Variants in SGPP2 observed in about 807,000 individuals in gnomAD.
SGPP2 encodes the protein sphingosine-1-phosphate phosphatase 2, also known as sphingosine 1-phosphate phosphohydrolase 2.
In SGPP2, 30 loss-of-function variants were observed where a neutral mutation model predicts 33.9. The ratio of observed to expected loss-of-function variants is 0.89; its 90% CI spans 0.66 to 1.20. SGPP2 has a LOEUF of 1.20. Ranked by LOEUF, SGPP2 falls within the 50% of genes most tolerant of loss-of-function variation. The probability of loss-of-function intolerance (pLI) is 0.00; values close to 1 mark genes in which losing one functional copy is unlikely to be tolerated. For synonymous variants in SGPP2, 233 were observed against 225.0 expected (o/e 1.04, Z -0.32); for missense variants, 458 against 532.1 (o/e 0.86, Z 1.37).
chr2:222,467,863 C>T (rs1351066906), intron 1 of SGPP2, among the ~76,000 whole-genome samples: 1 of 145,134 alleles, frequency 6.9e-6, no homozygotes, highest in African/African-American at 2.5e-5. Flanking sequence ...ACCATCCCCC[C>T]GAGATGTGAA....
intron 2 of SGPP2, among the ~76,000 whole-genome samples, chr2:222,497,029 A>G (rs182640210): frequency 3.0e-4 from 45 of 152,362 alleles, no homozygotes; most frequent in African/African-American, 1.1e-3. Flanking sequence ...GTACTACAGT[A>G]GCATCCTAGA....
chr2:222,431,459 T>G (rs189628640), intron 1 of SGPP2, among the ~76,000 whole-genome samples: 1 of 152,052 alleles, frequency 6.6e-6, no homozygotes, highest in Non-Finnish European at 1.5e-5. Context: ...TGAGCCAAGA[T>G]CATGCCACTG....
chr2:222,459,142 CTTTTTTTT>C (rs1164145783), intron 1 of SGPP2, among the ~76,000 whole-genome samples: 1 of 94,462 alleles, frequency 1.1e-5, no homozygotes, highest in African/African-American at 3.8e-5. Flanking sequence ...TTCTTTCTTT[CTTTTTTTT>C]TTTTTTTTTT....
intron 2 of SGPP2, among the ~76,000 whole-genome samples, chr2:222,491,315 T>C (rs1698193779): frequency 6.6e-6 from 1 of 152,128 alleles, no homozygotes; most frequent in South Asian, 2.1e-4. Flanking sequence ...TTTAATTTTT[T>C]TGTAGAGACA....
intron 4 of SGPP2, among the ~76,000 whole-genome samples, chr2:222,527,817 C>G (rs1163171475): frequency 2.6e-5 from 4 of 152,172 alleles, no homozygotes; most frequent in Admixed American, 2.6e-4. Context: ...TAGAAGGGAA[C>G]AGTTGGTTTT....
intron 2 of SGPP2, among the ~76,000 whole-genome samples, chr2:222,481,665 G>A (rs1407701010): frequency 6.6e-6 from 1 of 152,062 alleles, no homozygotes; most frequent in Non-Finnish European, 1.5e-5. Flanking sequence ...TCCTTTACAG[G>A]CCATTTAATG....
chr2:222,521,348 C>T (rs1187826143), intron 2 of SGPP2, among the ~76,000 whole-genome samples: 1 of 152,164 alleles, frequency 6.6e-6, no homozygotes, highest in African/African-American at 2.4e-5. Context: ...TTTCTAGATT[C>T]GAATCCCAGT....
At chr2:222,467,811 C>A (rs558931760) in intron 1 of SGPP2, among the ~76,000 whole-genome samples, 1 of 151,796 alleles carries the variant, frequency 6.6e-6, no homozygotes, top group African/African-American at 2.4e-5. Context: ...CAAGCTCTTT[C>A]TGCTGTTTCC....
intron 1 of SGPP2, among the ~76,000 whole-genome samples, chr2:222,448,756 C>T (rs1227035790): frequency 6.6e-6 from 1 of 152,098 alleles, no homozygotes; most frequent in Non-Finnish European, 1.5e-5. Context: ...CACTGTGTTC[C>T]CCTGATGGCA....
rs779460591 is a variant in SGPP2, at chr2:222,524,987, CCTTGGTGT to C, written c.603_610del (p.Leu202SerfsTer64). ...CTGGTGATGGCCGTGGTGTTTTCCA[CCTTGGTGT>C]GTCTCAGCAGGCTCTACACTGGGAT... is the stretch of plus-strand genomic sequence containing the variant. On this transcript the variant is annotated frameshift_variant, in exon 4 of 5. Coordinates refer to ENST00000321276, the MANE Select transcript of SGPP2 (RefSeq NM_152386.4). LOFTEE classifies it high-confidence loss of function. 1 of 1,613,856 alleles carries C rather than the reference CCTTGGTGT, an allele frequency of 6.2e-7. No homozygotes were observed. Among genetic ancestry groups the C allele is most frequent in the Non-Finnish European group, 8.5e-7 (1 of 1,179,908 alleles).
intron 4 of SGPP2, 74 bp downstream of exon 4, chr2:222,525,107 T>A: frequency 1.0e-6 from 1 of 1,004,414 alleles, no homozygotes; most frequent in Non-Finnish European, 1.5e-6. Flanking sequence ...ATGTTTCTCA[T>A]ACTACTTATT....
intron 3 of SGPP2, among the ~76,000 whole-genome samples, chr2:222,523,158 C>T (rs1229032816): frequency 2.6e-5 from 4 of 152,236 alleles, no homozygotes; most frequent in African/African-American, 9.6e-5. Context: ...GGGGTCCCAC[C>T]TCTACCACTG....
chr2:222,547,241 G>A (rs1378076377), intron 4 of SGPP2, among the ~76,000 whole-genome samples: 2 of 152,186 alleles, frequency 1.3e-5, no homozygotes, highest in African/African-American at 2.4e-5. Context: ...GTTTGACAGT[G>A]TCTTTGTGTC....
intron 1 of SGPP2, among the ~76,000 whole-genome samples, chr2:222,461,442 TG>T (rs1257725448): frequency 1.3e-5 from 2 of 151,896 alleles, no homozygotes; most frequent in Admixed American, 6.6e-5. Flanking sequence ...ACTGGGCAGG[TG>T]GGGGGATGGT....
chr2:222,558,700 G>A lies in SGPP2; in HGVS notation c.1002G>A (p.Leu334=). The A allele has an allele frequency of 6.2e-7, 1 of 1,614,144 alleles. No individual in the cohort carries two copies. Among genetic ancestry groups the A allele is most frequent in the Non-Finnish European group, 8.5e-7 (1 of 1,180,020 alleles). ...CCAAATTTGCAGTGGGAATTGTGTT[G>A]ATCCTCTTGGTTCGTCAGCTTGTAC... ...GLTKFAVGIV[L]ILLVRQLVQN... The change falls in exon 5 of 5, where the codon TTG becomes TTA. Residue 334 remains leucine (L), a synonymous_variant. Coordinates refer to ENST00000321276, the MANE Select transcript of SGPP2 (RefSeq NM_152386.4).
chr2:222,481,420 C>T (rs1229375568), intron 2 of SGPP2, among the ~76,000 whole-genome samples: 1 of 151,888 alleles, frequency 6.6e-6, no homozygotes, highest in Non-Finnish European at 1.5e-5. Flanking sequence ...TGATTTCCAC[C>T]AGTTGTTAAC....
chr2:222,505,529 A>G (rs913843672), intron 2 of SGPP2, among the ~76,000 whole-genome samples: 2 of 152,228 alleles, frequency 1.3e-5, no homozygotes, highest in Non-Finnish European at 2.9e-5. Context: ...GCCTAGAAAT[A>G]TTGGAAAAGT....
At chr2:222,549,931 C>T (rs1281640066) in intron 4 of SGPP2, among the ~76,000 whole-genome samples, 1 of 150,398 alleles carries the variant, frequency 6.6e-6, no homozygotes, top group African/African-American at 2.5e-5. Flanking sequence ...GGGCTGAATA[C>T]AGTGGCACAA....
chr2:222,461,700 A>G (rs549602338), intron 1 of SGPP2, among the ~76,000 whole-genome samples: 1 of 151,974 alleles, frequency 6.6e-6, no homozygotes, highest in East Asian at 1.9e-4. Flanking sequence ...GCAGTTCACA[A>G]TAGGGTTTGT....
Sources: allele counts gnomAD v4.1 joint callset (sites outside exome capture counted in the v4.1 genomes callset), GRCh38; gene constraint gnomAD v4.1.1; transcripts MANE v1.5; gene names NCBI Gene and HGNC (gene_info 2026-07-23, HGNC 2026-07-21).